Variants in TMC5 observed in about 807,000 individuals in gnomAD.
TMC5 encodes transmembrane channel-like protein 5.
TMC5 carries 86 observed loss-of-function variants against 110.5 expected under a neutral mutation model. The ratio of observed to expected loss-of-function variants is 0.78; its 90% confidence interval spans 0.65 to 0.93. TMC5 has a LOEUF of 0.93. Ranked by LOEUF, TMC5 falls within the 40% of genes least tolerant of loss-of-function variation. TMC5 has a pLI of 0.00. For synonymous variants in TMC5, 455 were observed against 439.5 expected, an observed-to-expected ratio of 1.04 and a Z score of -0.44; for missense variants, 1,144 against 1,222.8, an observed-to-expected ratio of 0.94 and a Z score of 0.96.
At chr16:19,487,542 A>C (rs1225761938) in intron 17 of TMC5, among the ~76,000 whole-genome samples, 1 of 151,966 alleles carries the variant, frequency 6.6e-6, no homozygotes, top group East Asian at 1.9e-4. Context: ...TCTCTACTAA[A>C]AATACAAAAA....
In TMC5 at chr16:19,440,093, T is replaced by A. The variant is rs1302605402; in HGVS notation, c.55T>A (p.Tyr19Asn). Residue 19 changes from tyrosine to asparagine, a missense_variant, in exon 3 of 22, where the codon TAT becomes AAT. Transcript: ENST00000542583. ...TGAGGAAGACCCAGATTACCCTGAC[T>A]ATTCAGGGTCTCAGAACCGTACGCA... The part of the protein sequence containing the change: ...WSEEDPDYPD[Y>N]SGSQNRTQGY... 3.1e-6 allele frequency: 5 copies of A among 1,614,020 alleles called. No individual in the cohort carries two copies. Among genetic ancestry groups the A allele is most frequent in the Admixed American group, 1.7e-5 (1 of 60,002 alleles).
chr16:19,487,020 T>C lies in TMC5; in HGVS notation c.2439T>C (p.Asn813=), dbSNP rs750569481. ...IMLFIMFYSK[N]ISLMMNFQPP... is the part of the protein sequence containing the mutation. ...TTTTCATCATGTTCTACTCCAAAAA[T>C]GTGAGTCAGTCCGACATTGCCATCA... The change falls in exon 16 of 22, where the codon AAT becomes AAC. Residue 813 remains asparagine, a splice_region_variant and synonymous_variant. Coordinates refer to ENST00000542583, the MANE Select transcript of TMC5 (RefSeq NM_001261841.2). 2.3e-5 allele frequency: 37 copies of C among 1,613,966 alleles called. No homozygotes were observed. The highest frequency in any genetic ancestry group is 3.3e-4 in the Middle Eastern group (2 of 6,060).
intron 20 of TMC5, among the ~76,000 whole-genome samples, chr16:19,495,075 C>T (rs1346817830): frequency 1.7e-4 from 3 of 18,000 alleles, no homozygotes; most frequent in African/African-American, 3.2e-4. Flanking sequence ...AGTGCAGTGG[C>T]GGGATCTCGG....
At chr16:19,427,766 A>G (rs1252803470) in intron 1 of TMC5, among the ~76,000 whole-genome samples, 1 of 151,902 alleles carries the variant, frequency 6.6e-6, no homozygotes, top group African/African-American at 2.4e-5. Context: ...TGACAAACCA[A>G]AATGTCTCCA....
chr16:19,495,987 AAAAC>A (rs950410091), intron 20 of TMC5, among the ~76,000 whole-genome samples: 34 of 151,862 alleles, frequency 2.2e-4, no homozygotes, highest in African/African-American at 5.6e-4. Context: ...ATAAAAAACA[AAAAC>A]AAACAAACAA....
chr16:19,483,148 A>T (rs11649192), intron 15 of TMC5, among the ~76,000 whole-genome samples: 6 of 151,832 alleles, frequency 4.0e-5, no homozygotes, highest in Non-Finnish European at 8.8e-5. Context: ...GGTGTGAGTC[A>T]CCATGCTCAG....
chr16:19,463,800 C>T lies in TMC5; in HGVS notation c.1261C>T (p.Leu421=), dbSNP rs1178332721. The part of the protein sequence containing the change: ...SRAYRRSKNS[L]SEILNSISLW... ...GGCTTATCGGAGATCCAAGAACAGCCTGTCGGAAATTCTGAATTCCATCAG... is the reference window on the plus strand; with the variant it reads ...GGCTTATCGGAGATCCAAGAACAGCTTGTCGGAAATTCTGAATTCCATCAG... The change falls in exon 8 of 22, where the codon CTG becomes TTG. Residue 421 remains leucine, a synonymous_variant. Coordinates refer to ENST00000542583, the MANE Select transcript of TMC5 (RefSeq NM_001261841.2). 6.2e-6 allele frequency: 10 copies of T among 1,614,162 alleles called. No homozygotes were observed. In the East Asian group the frequency reaches 6.7e-5, roughly 11 times the overall value.
At position 19,495,011 on chromosome 16, in the gene TMC5, C is replaced by CTTTTTT. The variant is rs56178955; in HGVS notation, c.2931+661_2931+666dup. On this transcript the variant is annotated intron_variant, in intron 20 of 21. Transcript: ENST00000542583. ...CACTATGAATACTTCAGTGTCTATT[C>CTTTTTT]TTTTTTTTTTTTTTTTTTTTTGAGA... is the stretch of plus-strand genomic sequence containing the variant. 1.2e-3 allele frequency among the ~76,000 whole-genome samples: 47 copies of CTTTTTT among 40,484 alleles called. 5 individuals are homozygous for CTTTTTT. Among genetic ancestry groups the CTTTTTT allele is most frequent in the African/African-American group, 3.5e-3 (38 of 10,738 alleles). The allele number at this position is 40,484 out of a possible 152,430, so 26.6% of individuals were successfully genotyped here.
chr16:19,492,972 T>C (rs1211762438), intron 19 of TMC5, among the ~76,000 whole-genome samples: 2 of 140,078 alleles, frequency 1.4e-5, no homozygotes, highest in Non-Finnish European at 3.1e-5. Flanking sequence ...ATTTATTTAT[T>C]TATTTTGAGA....
chr16:19,448,714 T>C (rs1251195505), intron 4 of TMC5, among the ~76,000 whole-genome samples: 1 of 145,996 alleles, frequency 6.8e-6, no homozygotes, highest in Non-Finnish European at 1.5e-5. Context: ...TTTAATATAT[T>C]ATATTTATTT....
chr16:19,468,846 G>T (rs757610624), intron 9 of TMC5, among the ~76,000 whole-genome samples: 2 of 152,188 alleles, frequency 1.3e-5, no homozygotes, highest in African/African-American at 2.4e-5. Flanking sequence ...TTTCTGATTA[G>T]CTGGGTGTGG....
intron 4 of TMC5, among the ~76,000 whole-genome samples, chr16:19,445,191 G>A (rs1244723149): frequency 6.6e-6 from 1 of 151,856 alleles, no homozygotes; most frequent in Admixed American, 6.6e-5. Context: ...GAAAAATCAT[G>A]TTGTCCTCAT....
chr16:19,496,378 C>T (rs561979272), intron 20 of TMC5, among the ~76,000 whole-genome samples: 4 of 152,086 alleles, frequency 2.6e-5, no homozygotes, highest in Non-Finnish European at 2.9e-5. Context: ...GTAAATCCAC[C>T]TTAACGCAAA....
intron 20 of TMC5, among the ~76,000 whole-genome samples, chr16:19,494,933 G>A (rs994872229): frequency 1.3e-5 from 2 of 151,776 alleles, no homozygotes; most frequent in Non-Finnish European, 2.9e-5. Context: ...TCACAACCCC[G>A]ATAATACAGA....
intron 10 of TMC5, among the ~76,000 whole-genome samples, 154 bp downstream of exon 10, chr16:19,469,979 C>T (rs187550878): frequency 8.8e-4 from 134 of 151,948 alleles, no homozygotes; most frequent in Admixed American, 1.5e-3. Flanking sequence ...ACTGCAGGCT[C>T]CGCCTCCCGG....
chr16:19,443,442 T>C (rs1967534929), intron 3 of TMC5, among the ~76,000 whole-genome samples: 1 of 152,126 alleles, frequency 6.6e-6, no homozygotes, highest in African/African-American at 2.4e-5. Flanking sequence ...CTCCCAAAAC[T>C]CTCAGCAAGA....
chr16:19,442,996 C>T (rs1967525245), intron 3 of TMC5, among the ~76,000 whole-genome samples: 1 of 152,174 alleles, frequency 6.6e-6, no homozygotes, highest in African/African-American at 2.4e-5. Context: ...CCCAACTTCA[C>T]TTATAGAATG....
At chr16:19,442,818 C>T (rs2143477510) in intron 3 of TMC5, among the ~76,000 whole-genome samples, 1 of 152,260 alleles carries the variant, frequency 6.6e-6, no homozygotes, top group Non-Finnish European at 1.5e-5. Context: ...GTGCAGCAGT[C>T]CTGATGTCTT....
chr16:19,445,338 G>T (rs1198404464), intron 4 of TMC5, among the ~76,000 whole-genome samples: 1 of 151,644 alleles, frequency 6.6e-6, no homozygotes, highest in Non-Finnish European at 1.5e-5. Context: ...AAACTCCTAG[G>T]CTCAAGCAAT....
Sources: allele counts gnomAD v4.1 joint callset (sites outside exome capture counted in the v4.1 genomes callset), GRCh38; gene constraint gnomAD v4.1.1; transcripts MANE v1.5; gene names NCBI Gene and HGNC (gene_info 2026-07-23, HGNC 2026-07-21).